IRS2: variants seen among roughly 807,000 people sequenced by gnomAD.
IRS2 encodes the protein insulin receptor substrate 2.
IRS2 carries 28 observed loss-of-function variants against 70.9 expected under a neutral mutation model. The observed-to-expected ratio is 0.39, with a 90% CI of 0.29 to 0.54. IRS2 has a LOEUF of 0.54. Among genes scored for constraint, IRS2 ranks in the 20% least tolerant of loss-of-function variants. The probability of loss-of-function intolerance (pLI) is 0.59; values close to 1 mark genes in which losing one functional copy is unlikely to be tolerated. For synonymous variants in IRS2, 1,217 were observed against 981.9 expected (o/e 1.24, Z -4.48); for missense variants, 2,081 against 2,024.1 (o/e 1.03, Z -0.54).
rs775632380 is a variant in IRS2 at position 109,784,491 on chromosome 13, G to A, written c.1563C>T (p.Pro521=). The A allele has an allele frequency of 1.3e-6, 2 of 1,567,330 alleles. No homozygotes were observed. The highest frequency in any genetic ancestry group is 8.7e-7 in the Non-Finnish European group (1 of 1,155,424). Residue 521 remains proline (P), a synonymous_variant, in exon 1 of 2, where the codon CCC becomes CCT. Transcript: ENST00000375856. The surrounding 1 kb of genome is among the most constrained non-coding windows in gnomAD (Gnocchi z 5.2). ...CCGGGGGCGTCTCCGCGATGGACTC[G>A]GGCGTGTTGCTTCGGTGGCTGCAGA... ...RAFCSHRSNT[P]ESIAETPPAR...
At chr13:109,781,729 T>G (rs575612031) in intron 1 of IRS2, among the ~76,000 whole-genome samples, 134 of 152,256 alleles carry the variant, frequency 8.8e-4, no homozygotes, top group African/African-American at 3.1e-3. Flanking sequence ...GTGGCCGGTC[T>G]GGGAGAACTT....
rs1443873155 is a variant in IRS2 at position 109,783,071 on chromosome 13, T to G, written c.2983A>C (p.Ser995Arg). ...SPKSPKPGAP[S>R]GHPVGSLDGL... is the part of the protein sequence containing the mutation. ...TCCAAGGAGCCCACGGGGTGGCCGC[T>G]CGGGGCGCCCGGCTTAGGAGACTTG... The change falls in exon 1 of 2, where the codon AGC becomes CGC. Residue 995 changes from serine to arginine, a missense_variant. By Grantham distance (110) the Ser-to-Arg change is moderately radical. Around this residue, in one of 4 missense-constraint regions of IRS2, gnomAD observed 1,615 missense variants for 1,459.5 expected, o/e 1.11. Transcript: ENST00000375856. 1 of 1,378,552 alleles carries G rather than the reference T, an allele frequency of 7.3e-7. No homozygotes were observed. Among genetic ancestry groups the G allele is most frequent in the Non-Finnish European group, 9.3e-7 (1 of 1,072,274 alleles). The allele number at this position is 1,378,552 out of a possible 1,614,324, so 85.4% of individuals were successfully genotyped here. A position where few individuals can be genotyped will look rare whatever the true frequency, so the allele number is the denominator to read the frequency against.
rs1877101880 is a variant in IRS2, at chr13:109,756,111, A to C, written c.*193T>G. 2 of 580,438 alleles carry C rather than the reference A, an allele frequency of 3.4e-6. No individual in the cohort carries two copies. Among genetic ancestry groups the C allele is most frequent in the East Asian group, 2.8e-5 (1 of 36,310 alleles). 36.0% of individuals were successfully genotyped at this position (580,438 alleles called of 1,614,324 possible). A position where few individuals can be genotyped will look rare whatever the true frequency, so the allele number is the denominator to read the frequency against. ...ACAATGATGAATGCCCCATCCGGGA[A>C]CAAGGGAAAGAGGCAGGTGACCTTG... On this transcript the variant is annotated 3_prime_UTR_variant, in exon 2 of 2. Transcript: ENST00000375856.
At chr13:109,782,002 C>T (rs754463850) in intron 1 of IRS2, 40 bp downstream of exon 1, 23 of 1,605,264 alleles carry the variant, frequency 1.4e-5, no homozygotes, top group Non-Finnish European at 2.0e-5. Flanking sequence ...GCGCCCCGCC[C>T]CTCCTTCCCG....
intron 1 of IRS2, among the ~76,000 whole-genome samples, chr13:109,766,510 T>A (rs368798917): frequency 1.6e-4 from 2 of 12,556 alleles, no homozygotes; most frequent in African/African-American, 2.3e-4. Flanking sequence ...CCCAGCCTCA[T>A]CCACCCTGAC....
intron 1 of IRS2, among the ~76,000 whole-genome samples, chr13:109,780,001 G>A (rs926688001): frequency 5.3e-5 from 8 of 152,130 alleles, no homozygotes; most frequent in African/African-American, 1.9e-4. Flanking sequence ...GAATGTATCG[G>A]CTTCATCAGA....
At chr13:109,758,038 G>A (rs1199356473) in intron 1 of IRS2, among the ~76,000 whole-genome samples, 1 of 152,180 alleles carries the variant, frequency 6.6e-6, no homozygotes, top group African/African-American at 2.4e-5. Context: ...AGTAAACAAT[G>A]TTCTGCCAAT....
chr13:109,781,194 G>A (rs562003301), intron 1 of IRS2, among the ~76,000 whole-genome samples: 2 of 152,200 alleles, frequency 1.3e-5, no homozygotes, highest in South Asian at 2.1e-4. Context: ...TCCTCCCCAG[G>A]TGAGTCTCAC....
At chr13:109,764,427 C>A (rs528115357) in intron 1 of IRS2, among the ~76,000 whole-genome samples, 1 of 152,286 alleles carries the variant, frequency 6.6e-6, no homozygotes, top group East Asian at 1.9e-4. Context: ...CCAGTGGAGT[C>A]ACAGGGAACC....
chr13:109,778,708 T>A (rs1877632865), intron 1 of IRS2, among the ~76,000 whole-genome samples: 1 of 152,218 alleles, frequency 6.6e-6, no homozygotes, highest in Non-Finnish European at 1.5e-5. Flanking sequence ...GAAATGATAA[T>A]CCTTTTATTC....
At chr13:109,759,188 C>T (rs972801930) in intron 1 of IRS2, among the ~76,000 whole-genome samples, 5 of 152,200 alleles carry the variant, frequency 3.3e-5, no homozygotes, top group Admixed American at 2.0e-4. Flanking sequence ...TTAATACAAC[C>T]GCTTTCAACG....
At chr13:109,773,506 T>C (rs941471498) in intron 1 of IRS2, among the ~76,000 whole-genome samples, 14 of 152,230 alleles carry the variant, frequency 9.2e-5, no homozygotes, top group African/African-American at 2.9e-4. Context: ...CTGAACCTGT[T>C]ACACAGAGCC....
intron 1 of IRS2, among the ~76,000 whole-genome samples, chr13:109,757,817 G>C (rs1179441772): frequency 6.6e-6 from 1 of 152,094 alleles, no homozygotes; most frequent in African/African-American, 2.4e-5. Flanking sequence ...AAGTAGCTGG[G>C]ATTACAGGTA....
In IRS2 at chr13:109,756,093, T is replaced by C. The variant is rs758553978; in HGVS notation, c.*211A>G. ...AAACAAAACGCAAACAGCACAATGA[T>C]GAATGCCCCATCCGGGAACAAGGGA... On this transcript the variant is annotated 3_prime_UTR_variant, in exon 2 of 2. Coordinates refer to ENST00000375856, the MANE Select transcript of IRS2 (RefSeq NM_003749.3). 54 of 557,548 alleles carry C rather than the reference T, an allele frequency of 9.7e-5. No homozygotes were observed. The highest frequency in any genetic ancestry group is 1.6e-4 in the Non-Finnish European group (50 of 310,198). The allele number at this position is 557,548 out of a possible 1,614,324, so 34.5% of individuals were successfully genotyped here.
intron 1 of IRS2, among the ~76,000 whole-genome samples, chr13:109,774,809 A>G (rs1263836763): frequency 2.0e-5 from 3 of 152,148 alleles, no homozygotes; most frequent in Non-Finnish European, 4.4e-5. Context: ...ATGTCTTACC[A>G]CTATAAAGGG....
rs754990594 is a variant in IRS2 at position 109,785,378 on chromosome 13, T to C, written c.676A>G (p.Ile226Val). 3.2e-5 allele frequency: 51 copies of C among 1,612,328 alleles called. No individual in the cohort carries two copies. Among genetic ancestry groups the C allele is most frequent in the Non-Finnish European group, 4.2e-5 (49 of 1,179,868 alleles). Reference protein sequence around the residue: ...VYRLCLSARTIGFVKLNCEQP... With the variant: ...VYRLCLSARTVGFVKLNCEQP... ...TCGCAGTTGAGCTTCACGAAGCCGATGGTGCGCGCAGACAGGCACAGACGG... is the reference window on the plus strand; with the variant it reads ...TCGCAGTTGAGCTTCACGAAGCCGACGGTGCGCGCAGACAGGCACAGACGG... The change falls in exon 1 of 2, where the codon ATC (isoleucine) becomes GTC (valine). Residue 226 changes from isoleucine to valine, a missense_variant. Around this residue, in one of 4 missense-constraint regions of IRS2, gnomAD observed 320 missense variants for 352.9 expected, o/e 0.91. Transcript: ENST00000375856. The surrounding 1 kb of genome is among the most constrained non-coding windows in gnomAD (Gnocchi z 9.3).
intron 1 of IRS2, among the ~76,000 whole-genome samples, chr13:109,775,643 T>C (rs1877554960): frequency 6.6e-6 from 1 of 151,936 alleles, no homozygotes; most frequent in African/African-American, 2.4e-5. Flanking sequence ...ATGCTTAAGT[T>C]ATAAAGTTTC....
chr13:109,775,407 C>T (rs1877551118), intron 1 of IRS2, among the ~76,000 whole-genome samples: 2 of 152,014 alleles, frequency 1.3e-5, no homozygotes, highest in South Asian at 4.2e-4. Context: ...GCATGAGCCA[C>T]CAAGCTCATC....
chr13:109,777,006 C>A (rs1877594144), intron 1 of IRS2, among the ~76,000 whole-genome samples: 1 of 152,272 alleles, frequency 6.6e-6, no homozygotes, highest in South Asian at 2.1e-4. Flanking sequence ...AAAACGCCAA[C>A]ATTAAAACGT....
Sources: gnomAD v4.1 joint callset for allele counts (sites outside exome capture counted in the v4.1 genomes callset) on GRCh38, gnomAD v4.1.1 for gene constraint, gnomAD v4.1.1 regional missense constraint, Gnocchi (gnomAD v3.1) non-coding constraint, MANE v1.5 for transcripts, NCBI Gene and HGNC (gene_info 2026-07-23, HGNC 2026-07-21) for gene names.